Variants in LRRC37A2 observed in about 807,000 individuals in gnomAD.
LRRC37A2 encodes leucine-rich repeat-containing protein 37A2.
Under a neutral mutation model 68.8 loss-of-function variants are expected in LRRC37A2, and 9 were observed. The ratio of observed to expected loss-of-function variants is 0.13; its 90% CI spans 0.08 to 0.23. The LOEUF (loss-of-function observed/expected upper bound fraction) is 0.23. Among genes scored for constraint, LRRC37A2 ranks in the 10% least tolerant of loss-of-function variants. LRRC37A2 has a pLI of 1.00. For missense variants in LRRC37A2, 168 were observed against 950.4 expected (o/e 0.18, Z 10.82); for synonymous variants, 63 against 367.6 (o/e 0.17, Z 9.48).
the LRRC37A2 span, among the ~76,000 whole-genome samples, chr17:46,719,797 GCTTT>G: frequency 6.6e-6 from 1 of 152,272 alleles, no homozygotes; most frequent in Admixed American, 6.5e-5. This position sits in a 1 kb window ranked among gnomAD's most constrained non-coding sequence, Gnocchi z 4.3. Flanking sequence ...TAATCTTGAT[GCTTT>G]CTGAGTATAC....
chr17:46,858,458 TTTC>T, the LRRC37A2 span, among the ~76,000 whole-genome samples: 1 of 151,254 alleles, frequency 6.6e-6, no homozygotes, highest in Non-Finnish European at 1.5e-5. Flanking sequence ...CTTCCTACGT[TTTC>T]TCCTTTTTAT....
chr17:46,912,641 A>T, the LRRC37A2 span, among the ~76,000 whole-genome samples: 6 of 152,124 alleles, frequency 3.9e-5, no homozygotes, highest in Admixed American at 3.9e-4. Context: ...GGGGCCACAG[A>T]TGCTTGTTTT....
the LRRC37A2 span, among the ~76,000 whole-genome samples, chr17:46,440,335 C>A: frequency 4.3e-5 from 3 of 70,208 alleles, no homozygotes; most frequent in East Asian, 7.1e-4. Context: ...ATTGTCTGTT[C>A]TCGCTTTGAA....
the LRRC37A2 span, chr17:46,721,931 A>G: frequency 6.3e-7 from 1 of 1,596,782 alleles, no homozygotes; most frequent in Non-Finnish European, 8.6e-7. Context: ...TTCGCGTACT[A>G]GCCGGACTTG....
chr17:46,855,756 T>C, the LRRC37A2 span, among the ~76,000 whole-genome samples: 2 of 152,188 alleles, frequency 1.3e-5, no homozygotes, highest in Non-Finnish European at 2.9e-5. Flanking sequence ...TAGAGTGCAA[T>C]GGTGTGATCT....
chr17:47,024,441 A>G, the LRRC37A2 span, among the ~76,000 whole-genome samples: 1 of 152,072 alleles, frequency 6.6e-6, no homozygotes, highest in Non-Finnish European at 1.5e-5. Flanking sequence ...AAATAATACA[A>G]TTTGGTGGGA....
the LRRC37A2 span, among the ~76,000 whole-genome samples, chr17:46,993,646 G>A: frequency 2.6e-5 from 4 of 152,214 alleles, no homozygotes; most frequent in African/African-American, 9.7e-5. Context: ...GTGTTCCCTA[G>A]AAGGACTGTG....
chr17:46,872,341 C>T, the LRRC37A2 span, among the ~76,000 whole-genome samples: 1 of 152,218 alleles, frequency 6.6e-6, no homozygotes, highest in Non-Finnish European at 1.5e-5. Context: ...CCTGCAGCAA[C>T]CTTTGTTACA....
the LRRC37A2 span, among the ~76,000 whole-genome samples, chr17:47,012,859 C>A: frequency 1.3e-5 from 2 of 152,198 alleles, no homozygotes; most frequent in African/African-American, 2.4e-5. Flanking sequence ...GACCCAGCAA[C>A]TCTACTCCAA....
chr17:46,851,845 G>C, the LRRC37A2 span: 1 of 428,518 alleles, frequency 2.3e-6, no homozygotes, highest in Admixed American at 4.7e-5. This position sits in a 1 kb window ranked among gnomAD's most constrained non-coding sequence, Gnocchi z 4.3. Flanking sequence ...ACCCTAGCCC[G>C]GCGCGACCCA....
chr17:46,389,312 C>T, the LRRC37A2 span, among the ~76,000 whole-genome samples: 4 of 123,706 alleles, frequency 3.2e-5, no homozygotes, highest in African/African-American at 1.2e-4. Flanking sequence ...AGATAGAAAG[C>T]AAAAGGATGG....
At chr17:46,710,854 A>G in the LRRC37A2 span, 25 of 912,680 alleles carry the variant, frequency 2.7e-5, no homozygotes, top group Non-Finnish European at 4.0e-5. Flanking sequence ...TTATATTAAT[A>G]TGGGATAGTG....
chr17:46,842,469 G>T, the LRRC37A2 span, among the ~76,000 whole-genome samples: 111 of 152,272 alleles, frequency 7.3e-4, no homozygotes, highest in African/African-American at 2.6e-3. Flanking sequence ...CAAACTCCTG[G>T]GTTCAAACCA....
the LRRC37A2 span, chr17:46,713,427 T>C: frequency 5.7e-5 from 9 of 158,018 alleles, no homozygotes; most frequent in East Asian, 1.3e-3. Context: ...ACTTTTTACA[T>C]CACATTTGCT....
chr17:46,969,124 C>T, the LRRC37A2 span, among the ~76,000 whole-genome samples: 2 of 152,232 alleles, frequency 1.3e-5, no homozygotes, highest in South Asian at 4.1e-4. Flanking sequence ...AAGCCGATCT[C>T]GCTCTGGCTC....
the LRRC37A2 span, among the ~76,000 whole-genome samples, chr17:46,852,262 A>G: frequency 6.8e-6 from 1 of 146,974 alleles, no homozygotes; most frequent in South Asian, 2.4e-4. Flanking sequence ...GAATGGGGGA[A>G]ACCTCGGACG....
chr17:46,960,363 C>T, the LRRC37A2 span, among the ~76,000 whole-genome samples: 2 of 152,068 alleles, frequency 1.3e-5, no homozygotes, highest in Non-Finnish European at 1.5e-5. Context: ...CAAGTGCTGA[C>T]GAGGACATAG....
the LRRC37A2 span, among the ~76,000 whole-genome samples, chr17:47,037,800 C>A: frequency 4.6e-5 from 7 of 152,186 alleles, no homozygotes; most frequent in African/African-American, 1.7e-4. Flanking sequence ...AATCTCTTTA[C>A]TTGACATAGG....
the LRRC37A2 span, among the ~76,000 whole-genome samples, chr17:46,925,355 T>G: frequency 1.1e-3 from 162 of 152,366 alleles, no homozygotes; most frequent in African/African-American, 3.7e-3. Flanking sequence ...TCATTGAATA[T>G]TTATTGAGCA....
Sources: gnomAD v4.1 joint callset for allele counts (sites outside exome capture counted in the v4.1 genomes callset) on GRCh38, gnomAD v4.1.1 for gene constraint, Gnocchi (gnomAD v3.1) non-coding constraint, MANE v1.5 for transcripts, NCBI Gene and HGNC (gene_info 2026-07-23, HGNC 2026-07-21) for gene names.